Variants in GTF2A1L observed in about 807,000 individuals in gnomAD.
GTF2A1L encodes the protein general transcription factor IIA subunit 1 like.
Under a neutral mutation model 49.7 loss-of-function variants are expected in GTF2A1L, and 48 were observed. That is an observed-to-expected ratio of 0.97 (90% confidence interval 0.77 to 1.23). GTF2A1L has a LOEUF of 1.23. Among genes scored for constraint, GTF2A1L ranks in the 50% most tolerant of loss-of-function variants. The pLI is 0.00. For missense variants in GTF2A1L, 736 were observed against 564.8 expected (o/e 1.30, Z -3.07); for synonymous variants, 246 against 193.5 (o/e 1.27, Z -2.25).
intron 6 of GTF2A1L, among the ~76,000 whole-genome samples, chr2:48,651,741 T>C (rs1244545966): frequency 6.6e-6 from 1 of 152,192 alleles, no homozygotes; most frequent in African/African-American, 2.4e-5. Flanking sequence ...GAATATTAAA[T>C]TCTTCATGCA....
At chr2:48,666,873 G>A (rs940575894) in intron 6 of GTF2A1L, among the ~76,000 whole-genome samples, 1 of 151,440 alleles carries the variant, frequency 6.6e-6, no homozygotes, top group Admixed American at 6.6e-5. Context: ...AAATTATTTG[G>A]TGTATCAATC....
Position 48,648,176 on chromosome 2 carries a change from GT to G in GTF2A1L, c.978+1139del, listed in dbSNP as rs1458819275. On this transcript the variant is annotated intron_variant, in intron 6 of 8. Coordinates refer to ENST00000403751, the MANE Select transcript of GTF2A1L (RefSeq NM_006872.5). ...CTGTTCAAGATCTCTGAGCAAATCT[GT>G]TTTTAGTTTTTCTATAAGTGTTCAT... 3.9e-5 allele frequency among the ~76,000 whole-genome samples: 6 copies of G among 152,054 alleles called. No individual in the cohort carries two copies. In the East Asian group the frequency reaches 1.2e-3, roughly 29 times the overall value.
At chr2:48,625,502 A>G (rs1187088886) in intron 3 of GTF2A1L, among the ~76,000 whole-genome samples, 1 of 143,898 alleles carries the variant, frequency 6.9e-6, no homozygotes, top group Non-Finnish European at 1.6e-5. Flanking sequence ...TTTTCTCCGT[A>G]TCTGTTGGCT....
chr2:48,650,917 A>G (rs1677809600), intron 6 of GTF2A1L, among the ~76,000 whole-genome samples: 1 of 152,136 alleles, frequency 6.6e-6, no homozygotes, highest in South Asian at 2.1e-4. Flanking sequence ...TACGTTGAAA[A>G]TGTGAAAAGA....
chr2:48,669,753 G>C lies in GTF2A1L; in HGVS notation c.1010G>C (p.Arg337Pro), dbSNP rs199722656. Residue 337 changes from arginine to proline, a missense_variant, in exon 7 of 9, where the codon CGG (arginine) becomes CCG (proline). Arg to Pro is a moderately radical substitution (Grantham distance 103). Transcript: ENST00000403751. ...DSNSQVDLSI[R>P]VTDDDIGEII... ...AATTCTCAGGTGGATTTAAGCATTC[G>C]GGTTACTGATGATGATATTGGTGAA... 3.4e-5 allele frequency: 55 copies of C among 1,610,418 alleles called. No homozygotes were observed. Among genetic ancestry groups the C allele is most frequent in the Non-Finnish European group, 4.5e-5 (53 of 1,177,964 alleles).
rs1220331678 is a variant in GTF2A1L, at chr2:48,647,005, A to T, written c.941A>T (p.Asn314Ile). 1.2e-6 allele frequency: 2 copies of T among 1,613,504 alleles called. No individual in the cohort carries two copies. The highest frequency in any genetic ancestry group is 3.3e-5 in the Admixed American group (2 of 59,946). The stretch of plus-strand genomic sequence containing the variant: ...TGTGATTCTGTAAAGCAACCAAGAA[A>T]TATAGAGGAACCCAGCAACATACCT... Reference protein sequence around the residue: ...YGCDSVKQPRNIEEPSNIPVS... With the variant: ...YGCDSVKQPRIIEEPSNIPVS... The change falls in exon 6 of 9, where the codon AAT becomes ATT. Residue 314 changes from asparagine to isoleucine, a missense_variant. Transcript: ENST00000403751.
chr2:48,657,963 G>T (rs1678273220), intron 6 of GTF2A1L, among the ~76,000 whole-genome samples: 1 of 151,808 alleles, frequency 6.6e-6, no homozygotes, highest in African/African-American at 2.4e-5. Flanking sequence ...TTTGATTTTT[G>T]CTTGTTGAAT....
intron 6 of GTF2A1L, among the ~76,000 whole-genome samples, chr2:48,663,288 T>C (rs753834309): frequency 5.9e-5 from 9 of 151,782 alleles, no homozygotes; most frequent in Admixed American, 4.6e-4. Context: ...ACAAAAAAAT[T>C]AGCTGGCCAT....
intron 1 of GTF2A1L, among the ~76,000 whole-genome samples, chr2:48,620,595 T>C (rs1289130618): frequency 6.8e-6 from 1 of 147,166 alleles, no homozygotes; most frequent in Non-Finnish European, 1.5e-5. Context: ...CTGACCATCA[T>C]GGTGAAACCC....
At position 48,679,384 on chromosome 2, in the gene GTF2A1L, T is replaced by C. The variant is rs1553383117; in HGVS notation, c.1379T>C (p.Met460Thr). ...AAATTCTATTTGAAAGATGGTGTTA[T>C]GTGTTTTGGAGGGAGAGACTATGTA... Reference protein sequence around the residue: ...KWKFYLKDGVMCFGGRDYVFA... With the variant: ...KWKFYLKDGVTCFGGRDYVFA... The change falls in exon 9 of 9, where the codon ATG (methionine) becomes ACG (threonine). Residue 460 changes from methionine to threonine, a missense_variant. Coordinates refer to ENST00000403751, the MANE Select transcript of GTF2A1L (RefSeq NM_006872.5). 5.6e-6 allele frequency: 9 copies of C among 1,612,334 alleles called. No individual in the cohort carries two copies. Among genetic ancestry groups the C allele is most frequent in the East Asian group, 2.2e-5 (1 of 44,786 alleles).
chr2:48,630,644 T>C (rs1371015729), intron 3 of GTF2A1L, among the ~76,000 whole-genome samples: 7 of 143,572 alleles, frequency 4.9e-5, no homozygotes, highest in African/African-American at 1.5e-4. Context: ...TCCAGTATTA[T>C]ATTGAATAGG....
chr2:48,649,701 C>T (rs1316380143), intron 6 of GTF2A1L, among the ~76,000 whole-genome samples: 1 of 152,190 alleles, frequency 6.6e-6, no homozygotes, highest in Non-Finnish European at 1.5e-5. Context: ...AGATCTGTCC[C>T]AAATGCAGCC....
chr2:48,658,076 C>T, intron 6 of GTF2A1L, among the ~76,000 whole-genome samples: 1 of 152,094 alleles, frequency 6.6e-6, no homozygotes, highest in East Asian at 1.9e-4. Flanking sequence ...TTGATAGTTT[C>T]TTTTGCTGTG....
intron 8 of GTF2A1L, among the ~76,000 whole-genome samples, chr2:48,676,710 T>A (rs934538613): frequency 2.0e-5 from 3 of 151,764 alleles, no homozygotes; most frequent in African/African-American, 7.2e-5. Context: ...ATCTTTAATT[T>A]TATGTCTTCT....
At chr2:48,667,419 A>C (rs1013651071) in intron 6 of GTF2A1L, among the ~76,000 whole-genome samples, 1 of 152,178 alleles carries the variant, frequency 6.6e-6, no homozygotes, top group Non-Finnish European at 1.5e-5. Flanking sequence ...CTGCTTCAAG[A>C]AAAGTTGTGA....
At chr2:48,644,554 A>G (rs965989219) in intron 4 of GTF2A1L, among the ~76,000 whole-genome samples, 2 of 152,222 alleles carry the variant, frequency 1.3e-5, no homozygotes, top group African/African-American at 2.4e-5. Flanking sequence ...TTCTAAAAGT[A>G]GAGTTCATGG....
intron 4 of GTF2A1L, among the ~76,000 whole-genome samples, chr2:48,644,516 G>A (rs1677383091): frequency 6.6e-6 from 1 of 152,142 alleles, no homozygotes; most frequent in Non-Finnish European, 1.5e-5. Context: ...GTATATGTCT[G>A]TGTGTTTCTG....
At chr2:48,622,833 T>TAAA (rs5830995) in intron 3 of GTF2A1L, among the ~76,000 whole-genome samples, 3 of 128,376 alleles carry the variant, frequency 2.3e-5, no homozygotes, top group African/African-American at 2.9e-5. Context: ...GACTCCATCT[T>TAAA]AAAAAAAAAA....
chr2:48,671,118 G>A (rs1017382113), intron 7 of GTF2A1L, among the ~76,000 whole-genome samples: 13 of 151,732 alleles, frequency 8.6e-5, no homozygotes, highest in African/African-American at 1.7e-4. Context: ...CACTGCACCC[G>A]GCTCAAACAG....
Sources: gnomAD v4.1 joint callset for allele counts (sites outside exome capture counted in the v4.1 genomes callset) on GRCh38, gnomAD v4.1.1 for gene constraint, MANE v1.5 for transcripts, NCBI Gene and HGNC (gene_info 2026-07-23, HGNC 2026-07-21) for gene names.